The following BSCL2 variants were observed in gnomAD, a reference collection of about 807,000 sequenced individuals.
BSCL2 encodes the protein BSCL2 lipid droplet biogenesis associated, seipin.
BSCL2 carries 41 observed loss-of-function variants against 57.4 expected under a neutral mutation model. The ratio of observed to expected loss-of-function variants is 0.71; its 90% CI spans 0.56 to 0.93. BSCL2 has a LOEUF of 0.93. Among genes scored for constraint, BSCL2 ranks in the 40% least tolerant of loss-of-function variants. BSCL2 has a pLI of 0.00. For synonymous variants in BSCL2, 237 were observed against 227.3 expected (o/e 1.04, Z -0.38); for missense variants, 539 against 586.7 (o/e 0.92, Z 0.84).
upstream of BSCL2, chr11:62,708,738 C>T: frequency 6.2e-7 from 1 of 1,614,102 alleles, no homozygotes; most frequent in Non-Finnish European, 8.5e-7. Flanking sequence ...TGAGGATCCC[C>T]TCATCACCCC....
chr11:62,695,107 C>T (rs1180107770), intron 3 of BSCL2, among the ~76,000 whole-genome samples: 2 of 152,318 alleles, frequency 1.3e-5, no homozygotes, highest in East Asian at 3.9e-4. Flanking sequence ...TGACAGTGCT[C>T]AGTCTCCCCA....
At chr11:62,696,281 TG>T (rs1565147167) in intron 3 of BSCL2, among the ~76,000 whole-genome samples, 2 of 145,154 alleles carry the variant, frequency 1.4e-5, no homozygotes, top group African/African-American at 2.6e-5. Context: ...AAACTTTTTG[TG>T]TGTGTGTGTG....
intron 3 of BSCL2, among the ~76,000 whole-genome samples, chr11:62,702,072 CT>C (rs34474748): frequency 4.8e-5 from 7 of 147,304 alleles, no homozygotes; most frequent in Non-Finnish European, 7.5e-5. Flanking sequence ...TCTTAGTCTC[CT>C]TTTTTTTTTT....
chr11:62,691,222 T>C (rs1945300763), intron 7 of BSCL2, 58 bp downstream of exon 7: 9 of 1,613,980 alleles, frequency 5.6e-6, no homozygotes, highest in South Asian at 2.2e-5. Context: ...ATCCCCAACA[T>C]ACCCCTGACC....
rs148132646 is a variant in BSCL2, at chr11:62,705,367, T to C, written c.338A>G (p.Tyr113Cys). The stretch of plus-strand genomic sequence containing the variant: ...CATATAGGAATAGTAGAAGGAGCCA[T>C]AGAGGAAGACAGACACCCAGAGCAA... ...LLLLWVSVFL[Y>C]GSFYYSYMPT... Residue 113 changes from tyrosine (Y) to cysteine (C), a missense_variant, in exon 2 of 11, where the codon TAT (tyrosine) becomes TGT (cysteine). This residue lies in a region of BSCL2 where 218 missense variants were observed against 224.8 expected (regional missense o/e 0.97). Coordinates refer to ENST00000360796, the MANE Select transcript of BSCL2 (RefSeq NM_001122955.4). 6 of 1,614,008 alleles carry C rather than the reference T, an allele frequency of 3.7e-6. No individual in the cohort carries two copies. Among genetic ancestry groups the C allele is most frequent in the East Asian group, 2.2e-5 (1 of 44,872 alleles).
intron 3 of BSCL2, among the ~76,000 whole-genome samples, chr11:62,696,278 T>TTGTGTG (rs1197051764): frequency 0.023 from 3,196 of 136,276 alleles, 60 homozygotes; most frequent in African/African-American, 0.041. Flanking sequence ...CATAAACTTT[T>TTGTGTG]TGTGTGTGTG....
At chr11:62,694,436 C>T in intron 4 of BSCL2, 132 bp downstream of exon 4, 2 of 1,350,762 alleles carry the variant, frequency 1.5e-6, no homozygotes, top group East Asian at 2.4e-5. Flanking sequence ...AACTCCTGGG[C>T]TCAAGCGATC....
At chr11:62,700,611 A>G (rs1473748953) in intron 3 of BSCL2, among the ~76,000 whole-genome samples, 1 of 152,166 alleles carries the variant, frequency 6.6e-6, no homozygotes, top group Non-Finnish European at 1.5e-5. Flanking sequence ...ATTGCACTGT[A>G]GCCTGGGCGA....
At chr11:62,708,292 C>G, upstream of BSCL2, 1 of 1,601,712 alleles carries the variant, frequency 6.2e-7, no homozygotes, top group Non-Finnish European at 8.6e-7. Context: ...CTCTTTTTTC[C>G]AGGATGAAAG....
chr11:62,698,847 T>C (rs921193219), intron 3 of BSCL2, among the ~76,000 whole-genome samples: 2 of 152,204 alleles, frequency 1.3e-5, no homozygotes, highest in Admixed American at 6.5e-5. Context: ...CAAAACTGTA[T>C]GCACCATCCC....
At chr11:62,708,410 G>A (rs1248747959), upstream of BSCL2, 6 of 1,566,322 alleles carry the variant, frequency 3.8e-6, no homozygotes, top group Non-Finnish European at 5.3e-6. Flanking sequence ...TGGGACCCTG[G>A]CTGGCTCCCA....
At chr11:62,705,976 G>A (rs916167602) in intron 1 of BSCL2, 1 of 228,504 alleles carries the variant, frequency 4.4e-6, no homozygotes, top group Non-Finnish European at 8.6e-6. Context: ...CTGCTAGGCA[G>A]CTGCACGGAG....
chr11:62,693,619 C>T (rs1217880219), intron 4 of BSCL2, among the ~76,000 whole-genome samples: 1 of 152,132 alleles, frequency 6.6e-6, no homozygotes, highest in Non-Finnish European at 1.5e-5. Flanking sequence ...TTTTATAATA[C>T]TTTATACCCA....
At chr11:62,696,750 G>T (rs1020780639) in intron 3 of BSCL2, among the ~76,000 whole-genome samples, 1 of 152,022 alleles carries the variant, frequency 6.6e-6, no homozygotes, top group East Asian at 1.9e-4. Flanking sequence ...TAGAGACGGG[G>T]TCTCATTATG....
chr11:62,691,100 T>C lies in BSCL2; in HGVS notation c.1047A>G (p.Gln349=), dbSNP rs769021944. The change falls in exon 8 of 11, where the codon CAA becomes CAG. Residue 349 remains glutamine (Q), a synonymous_variant. Coordinates refer to ENST00000360796, the MANE Select transcript of BSCL2 (RefSeq NM_001122955.4). ...CTGGCTGATGAGCAGAGATCCTTCG[T>C]TGGACTTCCTTCCGGGAATTGTCTC... ...RKRDNSRKEV[Q]RRISAHQPGP... The C allele has an allele frequency of 3.1e-6, 5 of 1,614,124 alleles. No individual in the cohort carries two copies. The highest frequency in any genetic ancestry group is 1.3e-5 in the African/African-American group (1 of 74,950).
At chr11:62,691,235 C>T in intron 7 of BSCL2, 45 bp downstream of exon 7, 1 of 1,614,164 alleles carries the variant, frequency 6.2e-7, no homozygotes. Context: ...CCCTGACCAC[C>T]CACAAAGATC....
intron 1 of BSCL2, chr11:62,706,604 C>T: frequency 2.1e-6 from 1 of 470,330 alleles, no homozygotes; most frequent in Non-Finnish European, 4.4e-6. Context: ...CACAGCCCTC[C>T]GTGCACACCT....
At chr11:62,706,218 T>C (rs2083530332) in intron 1 of BSCL2, 3 of 1,076,286 alleles carry the variant, frequency 2.8e-6, no homozygotes, top group South Asian at 2.5e-5. Flanking sequence ...CGTGCAACCA[T>C]GGAAACCAGC....
At chr11:62,692,282 C>T (rs1945331802) in intron 6 of BSCL2, 94 bp downstream of exon 6, 1 of 1,319,382 alleles carries the variant, frequency 7.6e-7, no homozygotes, top group South Asian at 1.2e-5. Context: ...GTCAGCTCTG[C>T]TCTGTAAACC....
Sources: gnomAD v4.1 joint callset for allele counts (sites outside exome capture counted in the v4.1 genomes callset) on GRCh38, gnomAD v4.1.1 for gene constraint, gnomAD v4.1.1 regional missense constraint, MANE v1.5 for transcripts, NCBI Gene and HGNC (gene_info 2026-07-23, HGNC 2026-07-21) for gene names.